Variants in ADGRV1 observed in about 807,000 individuals in gnomAD.
ADGRV1 encodes the protein adhesion G protein-coupled receptor V1.
In ADGRV1, 359 loss-of-function variants were observed where a neutral mutation model predicts 596.2. That is an observed-to-expected ratio of 0.60 (90% CI 0.55 to 0.66). The LOEUF (loss-of-function observed/expected upper bound fraction) is 0.66. Among genes scored for constraint, ADGRV1 ranks in the 30% least tolerant of loss-of-function variants. The pLI is 0.00. For synonymous variants in ADGRV1, 2,681 were observed against 2,679.2 expected, an observed-to-expected ratio of 1.00 and a Z score of -0.02; for missense variants, 7,274 against 7,575.6, an observed-to-expected ratio of 0.96 and a Z score of 1.48.
At chr5:90,725,303 T>A in intron 47 of ADGRV1, 71 bp downstream of exon 47, 1 of 1,036,578 alleles carries the variant, frequency 9.6e-7, no homozygotes, top group South Asian at 1.9e-5. Flanking sequence ...ATTGTTCAAA[T>A]TGGAAGATAA....
intron 21 of ADGRV1, among the ~76,000 whole-genome samples, chr5:90,667,401 A>G (rs1229157253): frequency 6.8e-6 from 1 of 147,602 alleles, no homozygotes; most frequent in Non-Finnish European, 1.5e-5. Context: ...AGTTGATTGC[A>G]TCAGCTCCTG....
intron 20 of ADGRV1, chr5:90,655,666 T>C (rs1769298164): frequency 6.6e-6 from 1 of 152,182 alleles, no homozygotes; most frequent in African/African-American, 2.4e-5. Context: ...CTCTCACCTC[T>C]AGTGTATGAG....
intron 87 of ADGRV1, among the ~76,000 whole-genome samples, chr5:91,149,706 G>A (rs576924820): frequency 2.5e-4 from 38 of 151,528 alleles, no homozygotes; most frequent in South Asian, 1.7e-3. Flanking sequence ...GGTGGCACAC[G>A]CCCATAGTCC....
chr5:91,046,416 G>C (rs113390748), intron 85 of ADGRV1, among the ~76,000 whole-genome samples: 5 of 152,098 alleles, frequency 3.3e-5, no homozygotes, highest in Non-Finnish European at 7.4e-5. Context: ...AGTGAGGAAA[G>C]ATACCCTATT....
intron 89 of ADGRV1, among the ~76,000 whole-genome samples, chr5:91,162,434 G>A (rs1225332235): frequency 6.6e-6 from 1 of 152,114 alleles, no homozygotes; most frequent in Admixed American, 6.5e-5. Flanking sequence ...CGTGTGAAAA[G>A]GCAGTGACCT....
At position 90,814,718 on chromosome 5, in the gene ADGRV1, A is replaced by C. The variant is rs189698179; in HGVS notation, c.16079-901A>C. 1.2e-4 allele frequency among the ~76,000 whole-genome samples: 18 copies of C among 152,268 alleles called. No homozygotes were observed. In the East Asian group the frequency reaches 3.3e-3, roughly 28 times the overall value. The stretch of plus-strand genomic sequence containing the variant: ...CCTCCCCAGACATGCAAAACTGTGA[A>C]TCAATTAAACCTCTTTTGTTTATAA... On this transcript the variant is annotated intron_variant, in intron 74 of 89. Coordinates refer to ENST00000405460, the MANE Select transcript of ADGRV1 (RefSeq NM_032119.4).
intron 42 of ADGRV1, among the ~76,000 whole-genome samples, chr5:90,713,368 G>T (rs756767380): frequency 5.2e-4 from 76 of 147,484 alleles, no homozygotes; most frequent in Non-Finnish European, 8.0e-4. Flanking sequence ...GGCTGTGGCT[G>T]TTGTTTCAAG....
At position 90,810,654 on chromosome 5, in the gene ADGRV1, G is replaced by A. The variant is rs199579753; in HGVS notation, c.15394G>A (p.Gly5132Arg). The A allele has an allele frequency of 7.0e-5, 113 of 1,613,778 alleles. No homozygotes were observed. Among genetic ancestry groups the A allele is most frequent in the Non-Finnish European group, 8.7e-5 (103 of 1,179,864 alleles). ...ITILDNDDLAGMDISFPETTV... is the reference protein window; with the variant it reads ...ITILDNDDLARMDISFPETTV... ...AATATTGGATAATGATGACCTGGCA[G>A]GAATGGATATTTCCTTCCCCGAGAC... Residue 5132 changes from glycine (G) to arginine (R), a missense_variant, in exon 74 of 90, where the codon GGA becomes AGA. By Grantham distance (125) the Gly-to-Arg change is moderately radical. Coordinates refer to ENST00000405460, the MANE Select transcript of ADGRV1 (RefSeq NM_032119.4).
At chr5:91,091,698 G>A (rs1390598432) in intron 86 of ADGRV1, 3 of 152,092 alleles carry the variant, frequency 2.0e-5, no homozygotes, top group Non-Finnish European at 4.4e-5. Flanking sequence ...GAGGTGAATG[G>A]TGTAGATTTC....
chr5:90,675,527 C>A (rs1773110896), intron 24 of ADGRV1, 82 bp downstream of exon 24: 2 of 1,300,642 alleles, frequency 1.5e-6, no homozygotes, highest in Non-Finnish European at 2.2e-6. Context: ...ATACACTGTA[C>A]CTGGAACATA....
At chr5:90,844,455 CTT>C (rs1419128775) in intron 78 of ADGRV1, among the ~76,000 whole-genome samples, 2 of 152,154 alleles carry the variant, frequency 1.3e-5, no homozygotes, top group East Asian at 3.8e-4. Flanking sequence ...ACTATAAAGA[CTT>C]TCTGTATGAA....
intron 72 of ADGRV1, 52 bp downstream of exon 72, chr5:90,805,510 A>T (rs1194541240): frequency 2.9e-6 from 4 of 1,394,532 alleles, no homozygotes; most frequent in Non-Finnish European, 3.9e-6. Context: ...GAAGGATATC[A>T]CTGGCCACTA....
intron 85 of ADGRV1, among the ~76,000 whole-genome samples, chr5:91,035,098 C>A (rs1013859700): frequency 2.2e-4 from 34 of 152,188 alleles, no homozygotes; most frequent in Admixed American, 1.2e-3. Context: ...TCATCTGTAA[C>A]ACAGGGACTT....
intron 77 of ADGRV1, among the ~76,000 whole-genome samples, chr5:90,832,109 G>A (rs1158789981): frequency 2.0e-5 from 3 of 151,724 alleles, no homozygotes; most frequent in Non-Finnish European, 4.4e-5. Context: ...CTTTCTTTTG[G>A]GTATATACCT....
At chr5:90,932,188 C>T (rs1775310852) in intron 83 of ADGRV1, among the ~76,000 whole-genome samples, 1 of 152,128 alleles carries the variant, frequency 6.6e-6, no homozygotes, top group Admixed American at 6.5e-5. Context: ...GTTCTCAGGG[C>T]TGTGAATGTT....
chr5:90,683,152 CG>C (rs777221720), intron 27 of ADGRV1, among the ~76,000 whole-genome samples: 8 of 152,104 alleles, frequency 5.3e-5, no homozygotes, highest in Admixed American at 5.2e-4. Context: ...ATAGAAGCTA[CG>C]TTTTTTTCAT....
intron 82 of ADGRV1, among the ~76,000 whole-genome samples, chr5:90,859,166 GT>G (rs1767308863): frequency 6.6e-6 from 1 of 152,114 alleles, no homozygotes; most frequent in Non-Finnish European, 1.5e-5. Flanking sequence ...GGGCGCAGGA[GT>G]TCCTACTATA....
rs371117165 is a variant in ADGRV1 at position 90,807,723 on chromosome 5, C to A, written c.14958C>A (p.Gly4986=). Residue 4986 remains glycine (G), a synonymous_variant, in exon 73 of 90, where the codon GGC becomes GGA. Coordinates refer to ENST00000405460, the MANE Select transcript of ADGRV1 (RefSeq NM_032119.4). ...CAGGAGTGCAGAGCAGTGCTCCTGG[C>A]GGAGCTCAACTCCGGTAAGACCAAC... is the stretch of plus-strand genomic sequence containing the variant. ...HLSGVQSSAP[G]GAQLRSGFIV... 1.4e-5 allele frequency: 22 copies of A among 1,556,350 alleles called. No homozygotes were observed. Among genetic ancestry groups the A allele is most frequent in the Admixed American group, 7.2e-5 (4 of 55,448 alleles).
chr5:90,661,493 C>T (rs1046429358), intron 21 of ADGRV1, among the ~76,000 whole-genome samples: 1 of 151,964 alleles, frequency 6.6e-6, no homozygotes, highest in Non-Finnish European at 1.5e-5. Flanking sequence ...CAATCATCAC[C>T]CATGCATGAA....
Sources: gnomAD v4.1 joint callset for allele counts (sites outside exome capture counted in the v4.1 genomes callset) on GRCh38, gnomAD v4.1.1 for gene constraint, MANE v1.5 for transcripts, NCBI Gene and HGNC (gene_info 2026-07-23, HGNC 2026-07-21) for gene names.